KAZN: variants seen among roughly 807,000 people sequenced by gnomAD.
The protein encoded by KAZN is kazrin, periplakin interacting protein.
In KAZN, 40 loss-of-function variants were observed where a neutral mutation model predicts 87.4. The observed-to-expected ratio is 0.46, with a 90% CI of 0.36 to 0.60. KAZN has a LOEUF of 0.60. Ranked by LOEUF, KAZN falls within the 20% of genes least tolerant of loss-of-function variation. The pLI is 0.00. For synonymous variants in KAZN, 466 were observed against 458.3 expected (o/e 1.02, Z -0.22); for missense variants, 898 against 1,073.9 (o/e 0.84, Z 2.29).
intron 1 of KAZN, among the ~76,000 whole-genome samples, chr1:14,724,270 A>C (rs1246617916): frequency 6.6e-6 from 1 of 152,234 alleles, no homozygotes. Context: ...TGAAACTGGC[A>C]GTGAATCTGC....
chr1:13,935,966 T>C (rs1640719490), intron 1 of KAZN, among the ~76,000 whole-genome samples: 1 of 151,348 alleles, frequency 6.6e-6, no homozygotes, highest in Admixed American at 6.6e-5. Context: ...TACTAGAATA[T>C]ATATACTATT....
chr1:14,469,960 G>A (rs1356705747), intron 2 of KAZN, among the ~76,000 whole-genome samples: 2 of 152,180 alleles, frequency 1.3e-5, no homozygotes, highest in Non-Finnish European at 2.9e-5. Context: ...ATGGTTGGGA[G>A]CCAAATGGAT....
intron 2 of KAZN, among the ~76,000 whole-genome samples, chr1:14,508,489 C>T (rs1017154386): frequency 3.9e-5 from 6 of 152,180 alleles, no homozygotes; most frequent in African/African-American, 1.4e-4. Flanking sequence ...AATTTTAAGA[C>T]CTTCCTTAAA....
At chr1:14,689,384 G>A (rs79593420) in intron 1 of KAZN, among the ~76,000 whole-genome samples, 3,300 of 152,186 alleles carry the variant, frequency 0.022, 127 homozygotes, top group African/African-American at 0.076. Context: ...TCTCCCATTC[G>A]CTCCTGATTG....
intron 12 of KAZN, 72 bp from the exon 13 acceptor site, chr1:15,103,951 G>C (rs756719516): frequency 6.1e-6 from 9 of 1,469,462 alleles, no homozygotes; most frequent in Non-Finnish European, 5.6e-6. Flanking sequence ...AGAGCCCCAC[G>C]TGGAACTGGG....
rs72640705 is a variant in KAZN, at chr1:15,091,053, C to A, written c.1223-3127C>A. Among the ~76,000 whole-genome samples, 1,497 of 152,152 alleles carry A rather than the reference C, an allele frequency of 9.8e-3. 39 individuals carry two copies. The highest frequency in any genetic ancestry group is 0.083 in the East Asian group (430 of 5,176). On this transcript the variant is annotated intron_variant, in intron 8 of 14. Coordinates refer to ENST00000376030, the MANE Select transcript of KAZN (RefSeq NM_201628.3). ...GGCTTTTTTCTACATATCAAACATACTATAGTCAATGCAGAAAACTTGGGA... is the reference window on the plus strand; with the variant it reads ...GGCTTTTTTCTACATATCAAACATAATATAGTCAATGCAGAAAACTTGGGA...
At chr1:14,500,344 A>G (rs528592116) in intron 2 of KAZN, among the ~76,000 whole-genome samples, 1 of 152,318 alleles carries the variant, frequency 6.6e-6, no homozygotes, top group South Asian at 2.1e-4. Flanking sequence ...TTGCACACAG[A>G]ACACTTGCAG....
At chr1:15,080,183 C>G (rs1160773091) in intron 8 of KAZN, among the ~76,000 whole-genome samples, 2 of 152,188 alleles carry the variant, frequency 1.3e-5, no homozygotes, top group African/African-American at 4.8e-5. Context: ...AAGCACAAGT[C>G]TAGGCCTTTG....
intron 1 of KAZN, among the ~76,000 whole-genome samples, chr1:14,716,980 T>C (rs1642828190): frequency 6.6e-6 from 1 of 151,568 alleles, no homozygotes; most frequent in African/African-American, 2.4e-5. Flanking sequence ...AGTCCCGCCC[T>C]CTGGAATGCC....
chr1:15,055,984 T>A, intron 4 of KAZN, 107 bp from the exon 5 acceptor site: 1 of 1,087,028 alleles, frequency 9.2e-7, no homozygotes. Flanking sequence ...CAATACCCGG[T>A]GCAGAGGATC....
At chr1:14,224,612 G>T (rs1206380283) in intron 2 of KAZN, among the ~76,000 whole-genome samples, 5 of 152,124 alleles carry the variant, frequency 3.3e-5, no homozygotes, top group African/African-American at 4.8e-5. Flanking sequence ...ACCTAGTCAA[G>T]CCTCCTTAGT....
At chr1:15,110,063 G>A (rs904153884) in intron 13 of KAZN, among the ~76,000 whole-genome samples, 1 of 27,348 alleles carries the variant, frequency 3.7e-5, no homozygotes, top group Non-Finnish European at 6.4e-5. Context: ...GTGCGTGTGT[G>A]TGCCTGTGTG....
intron 1 of KAZN, among the ~76,000 whole-genome samples, chr1:14,790,370 A>G (rs1335591448): frequency 6.6e-6 from 1 of 152,016 alleles, no homozygotes; most frequent in Non-Finnish European, 1.5e-5. Context: ...GGCTTTTTCC[A>G]CTTTTCTTAT....
At chr1:15,007,953 G>T (rs1381242110) in intron 2 of KAZN, among the ~76,000 whole-genome samples, 1 of 152,198 alleles carries the variant, frequency 6.6e-6, no homozygotes, top group African/African-American at 2.4e-5. Flanking sequence ...TTGGCACAGA[G>T]GCGGCCCCTG....
At chr1:14,836,559 G>A (rs952593330) in intron 1 of KAZN, among the ~76,000 whole-genome samples, 1 of 152,106 alleles carries the variant, frequency 6.6e-6, no homozygotes, top group East Asian at 1.9e-4. Flanking sequence ...AAGCTCATCT[G>A]GGCCCACGCC....
At chr1:14,097,602 G>A (rs1227452750) in intron 1 of KAZN, among the ~76,000 whole-genome samples, 1 of 152,144 alleles carries the variant, frequency 6.6e-6, no homozygotes, top group East Asian at 1.9e-4. Context: ...ACAGAATAAT[G>A]TATGTGAGGG....
intron 1 of KAZN, among the ~76,000 whole-genome samples, chr1:13,931,640 C>T (rs959105045): frequency 4.0e-5 from 6 of 151,600 alleles, no homozygotes; most frequent in African/African-American, 1.2e-4. Context: ...GAAGATAAAA[C>T]GTGTGGATAA....
intron 2 of KAZN, among the ~76,000 whole-genome samples, chr1:14,200,477 A>T (rs1482604627): frequency 6.6e-6 from 1 of 152,192 alleles, no homozygotes; most frequent in Non-Finnish European, 1.5e-5. Context: ...TACATGTCTT[A>T]CTTGCTAACA....
At chr1:14,855,371 G>C (rs904193140) in intron 1 of KAZN, among the ~76,000 whole-genome samples, 1 of 152,150 alleles carries the variant, frequency 6.6e-6, no homozygotes, top group African/African-American at 2.4e-5. Context: ...GCTGCCTTTT[G>C]TCATTTTTTT....
Sources: gnomAD v4.1 joint callset for allele counts (sites outside exome capture counted in the v4.1 genomes callset) on GRCh38, gnomAD v4.1.1 for gene constraint, MANE v1.5 for transcripts, NCBI Gene and HGNC (gene_info 2026-07-23, HGNC 2026-07-21) for gene names.